ABCA13: variants seen among roughly 807,000 people sequenced by gnomAD.
ABCA13 encodes the protein ATP binding cassette subfamily A member 13.
A neutral mutation model predicts 478.7 loss-of-function variants in ABCA13; 476 were observed. That is an observed-to-expected ratio of 0.99 (90% CI 0.92 to 1.07). The LOEUF is 1.07. Among genes scored for constraint, ABCA13 ranks in the 50% least tolerant of loss-of-function variants. The pLI is 0.00. For missense variants in ABCA13, 6,060 were observed against 5,910.6 expected (o/e 1.03, Z -0.83); for synonymous variants, 2,252 against 2,158.9 (o/e 1.04, Z -1.20).
At chr7:48,606,408 G>A (rs907599030) in intron 58 of ABCA13, among the ~76,000 whole-genome samples, 4 of 152,088 alleles carry the variant, frequency 2.6e-5, no homozygotes, top group Admixed American at 6.5e-5. Context: ...CTGAGTGGGC[G>A]TCCTTTTTGT....
At chr7:48,620,296 G>T in intron 59 of ABCA13, among the ~76,000 whole-genome samples, 1 of 152,170 alleles carries the variant, frequency 6.6e-6, no homozygotes, top group Non-Finnish European at 1.5e-5. Flanking sequence ...ACAGATACCA[G>T]TCAAAGCAAA....
At chr7:48,559,190 A>G (rs1215511402) in intron 55 of ABCA13, among the ~76,000 whole-genome samples, 1 of 152,160 alleles carries the variant, frequency 6.6e-6, no homozygotes, top group East Asian at 1.9e-4. Flanking sequence ...CAAGTATCTT[A>G]GAAATCTACC....
chr7:48,199,842 G>A (rs1798423023), intron 3 of ABCA13, among the ~76,000 whole-genome samples: 1 of 152,152 alleles, frequency 6.6e-6, no homozygotes, highest in Non-Finnish European at 1.5e-5. Context: ...TGATGTTGAA[G>A]TGGGAAGAAT....
intron 1 of ABCA13, among the ~76,000 whole-genome samples, chr7:48,191,689 T>C (rs987448622): frequency 6.6e-6 from 1 of 152,202 alleles, no homozygotes; most frequent in African/African-American, 2.4e-5. Context: ...ATTACAGGTG[T>C]GAGCCACCGT....
At chr7:48,244,793 T>A (rs527464697) in intron 11 of ABCA13, 90 bp downstream of exon 11, 2 of 1,461,180 alleles carry the variant, frequency 1.4e-6, no homozygotes, top group South Asian at 2.8e-5. Context: ...CCTGACACAT[T>A]GTAAAGTTGG....
At chr7:48,492,014 A>T (rs1287008408) in intron 48 of ABCA13, among the ~76,000 whole-genome samples, 1 of 152,144 alleles carries the variant, frequency 6.6e-6, no homozygotes, top group South Asian at 2.1e-4. Context: ...CACACTTCTC[A>T]TGACAATGGT....
At chr7:48,394,367 C>A (rs1277529992) in intron 38 of ABCA13, among the ~76,000 whole-genome samples, 1 of 152,152 alleles carries the variant, frequency 6.6e-6, no homozygotes, top group Non-Finnish European at 1.5e-5. Flanking sequence ...ACTGAACAGG[C>A]CCTTCGCTGC....
chr7:48,247,408 C>A (rs143365964), intron 13 of ABCA13, among the ~76,000 whole-genome samples: 2 of 152,120 alleles, frequency 1.3e-5, no homozygotes, highest in African/African-American at 2.4e-5. Flanking sequence ...TAGTCTCATA[C>A]GAAGCAGGGA....
chr7:48,515,595 T>G (rs1022297121), intron 51 of ABCA13, among the ~76,000 whole-genome samples: 1 of 152,128 alleles, frequency 6.6e-6, no homozygotes, highest in African/African-American at 2.4e-5. Flanking sequence ...CATCTACTTA[T>G]CACCTGCAAA....
chr7:48,482,441 G>A (rs1828869211), intron 46 of ABCA13, among the ~76,000 whole-genome samples: 1 of 151,992 alleles, frequency 6.6e-6, no homozygotes, highest in Non-Finnish European at 1.5e-5. Context: ...GAGTGCAGTG[G>A]CACGATGTCC....
chr7:48,230,133 A>C (rs1170797669), intron 7 of ABCA13, among the ~76,000 whole-genome samples, 178 bp downstream of exon 7: 1 of 152,274 alleles, frequency 6.6e-6, no homozygotes, highest in Non-Finnish European at 1.5e-5. Context: ...TTTGAACTCG[A>C]AACTGAATTT....
chr7:48,426,267 T>A (rs774633531), intron 41 of ABCA13, among the ~76,000 whole-genome samples: 14 of 152,344 alleles, frequency 9.2e-5, no homozygotes, highest in Middle Eastern at 6.8e-3. Flanking sequence ...CTTTCACTAG[T>A]GCTACTCATG....
chr7:48,461,940 A>C (rs1826286368), intron 43 of ABCA13, among the ~76,000 whole-genome samples: 1 of 152,146 alleles, frequency 6.6e-6, no homozygotes, highest in African/African-American at 2.4e-5. Context: ...AGTCAAGCAG[A>C]GAAATGATCC....
chr7:48,202,866 C>T (rs1363038045), intron 3 of ABCA13, among the ~76,000 whole-genome samples: 27 of 152,270 alleles, frequency 1.8e-4, no homozygotes, highest in Admixed American at 1.7e-3. Flanking sequence ...GATCCCGCAC[C>T]AGGGCTGCAG....
chr7:48,248,419 T>G lies in ABCA13; in HGVS notation c.1840T>G (p.Cys614Gly), dbSNP rs772058850. 1.2e-6 allele frequency: 2 copies of G among 1,609,274 alleles called. No homozygotes were observed. Among genetic ancestry groups the G allele is most frequent in the Non-Finnish European group, 1.7e-6 (2 of 1,177,474 alleles). Residue 614 changes from cysteine (C) to glycine (G), a missense_variant, in exon 14 of 62, where the codon TGT (cysteine) becomes GGT (glycine). This residue lies in a region of ABCA13 where 4,423 missense variants were observed against 4,309.1 expected (regional missense o/e 1.03). Transcript: ENST00000435803. ...SPENDVFSSD[C>G]KHQLVSTVIF... ...TGAGAATGATGTCTTTTCTAGTGAC[T>G]GTAAGCACCAGCTTGTCTCCACAGT... is the stretch of plus-strand genomic sequence containing the variant.
Position 48,595,844 on chromosome 7 carries a change from G to A in ABCA13, c.14744+1031G>A, listed in dbSNP as rs147177268. On this transcript the variant is annotated intron_variant, in intron 58 of 61. Transcript: ENST00000435803. ...ATGGCCCAGTTAAAGAGCAGTTAGGGCCTTATATTCTTGGAATTCATGGCA... is the reference window on the plus strand; with the variant it reads ...ATGGCCCAGTTAAAGAGCAGTTAGGACCTTATATTCTTGGAATTCATGGCA... Among the ~76,000 whole-genome samples the A allele has an allele frequency of 5.3e-5, 8 of 152,280 alleles. No homozygotes were observed. In the East Asian group the frequency reaches 1.5e-3, roughly 29 times the overall value.
Position 48,644,757 on chromosome 7 carries a change from A to G in ABCA13, c.15081+3A>G. 1 of 1,592,810 alleles carries G rather than the reference A, an allele frequency of 6.3e-7. No homozygotes were observed. The highest frequency in any genetic ancestry group is 8.5e-7 in the Non-Finnish European group (1 of 1,172,810). On this transcript the variant is annotated splice_donor_region_variant and intron_variant, in intron 61 of 61. Transcript: ENST00000435803. ...TTAACCAAACCACTTTGGAGCAGGT[A>G]TAGTATCTTGAATGATTCAGGAGGT...
In ABCA13 at chr7:48,389,188, G is replaced by T; in HGVS notation, c.11622G>T (p.Leu3874=). 6.2e-7 allele frequency: 1 copy of T among 1,613,710 alleles called. No homozygotes were observed. The highest frequency in any genetic ancestry group is 2.2e-5 in the East Asian group (1 of 44,840). Residue 3874 remains leucine, a synonymous_variant, in exon 37 of 62, where the codon CTG becomes CTT. Coordinates refer to ENST00000435803, the MANE Select transcript of ABCA13 (RefSeq NM_152701.5). ...TFYRDQITAL[L]GTNGAGKTTI... The stretch of plus-strand genomic sequence containing the variant: ...ACAGAGACCAAATCACCGCCCTGCT[G>T]GGGACAAACGGTGCCGGGAAAACCA...
intron 23 of ABCA13, among the ~76,000 whole-genome samples, chr7:48,303,910 C>A (rs1365724397): frequency 6.6e-6 from 1 of 152,106 alleles, no homozygotes; most frequent in Admixed American, 6.6e-5. Context: ...AACCTAACAC[C>A]TATTTATTTG....
Sources: allele counts gnomAD v4.1 joint callset (sites outside exome capture counted in the v4.1 genomes callset), GRCh38; gene constraint gnomAD v4.1.1; regional missense constraint gnomAD v4.1.1; transcripts MANE v1.5; gene names NCBI Gene and HGNC (gene_info 2026-07-23, HGNC 2026-07-21).